Variants in ALDH1A1 observed in about 807,000 individuals in gnomAD.
The protein encoded by ALDH1A1 is aldehyde dehydrogenase 1A1.
Under a neutral mutation model 62.1 loss-of-function variants are expected in ALDH1A1, and 19 were observed. The observed-to-expected ratio is 0.31, with a 90% CI of 0.21 to 0.45. ALDH1A1 has a LOEUF of 0.45. Among genes scored for constraint, ALDH1A1 ranks in the 20% least tolerant of loss-of-function variants. ALDH1A1 has a pLI of 1.00. For missense variants in ALDH1A1, 521 were observed against 607.1 expected, an observed-to-expected ratio of 0.86 and a Z score of 1.49; for synonymous variants, 231 against 215.9, an observed-to-expected ratio of 1.07 and a Z score of -0.61.
At chr9:72,929,910 T>G (rs1263542811) in intron 3 of ALDH1A1, among the ~76,000 whole-genome samples, 1 of 152,234 alleles carries the variant, frequency 6.6e-6, no homozygotes, top group Admixed American at 6.5e-5. Context: ...ATTTTCTGCT[T>G]TCTTCCTACA....
intron 9 of ALDH1A1, among the ~76,000 whole-genome samples, chr9:72,912,746 C>A (rs1380722798): frequency 2.6e-5 from 4 of 152,186 alleles, no homozygotes; most frequent in African/African-American, 4.8e-5. Context: ...ATGTCACCAT[C>A]CTGCTTCATT....
intron 12 of ALDH1A1, among the ~76,000 whole-genome samples, chr9:72,901,580 G>A (rs1025136232): frequency 4.6e-5 from 7 of 151,812 alleles, no homozygotes; most frequent in African/African-American, 1.2e-4. Flanking sequence ...TTAAAAACTC[G>A]AACTGCAGAT....
At chr9:72,908,072 C>T (rs1278396078) in intron 11 of ALDH1A1, among the ~76,000 whole-genome samples, 1 of 151,874 alleles carries the variant, frequency 6.6e-6, no homozygotes, top group Non-Finnish European at 1.5e-5. Context: ...ATTTTTAAAG[C>T]CCCCGAGATG....
chr9:72,941,993 A>G (rs8187895), intron 1 of ALDH1A1, among the ~76,000 whole-genome samples: 13,118 of 152,194 alleles, frequency 0.086, 665 homozygotes, highest in African/African-American at 0.13. Flanking sequence ...AGAAAGATGG[A>G]AGAAGTATCA....
At chr9:72,923,353 CAA>C (rs1326938324) in intron 7 of ALDH1A1, among the ~76,000 whole-genome samples, 1 of 152,156 alleles carries the variant, frequency 6.6e-6, no homozygotes, top group Non-Finnish European at 1.5e-5. Context: ...TAGAATGACT[CAA>C]TAATTTTTTT....
chr9:72,926,612 A>T (rs1230146628), intron 5 of ALDH1A1, among the ~76,000 whole-genome samples: 1 of 152,228 alleles, frequency 6.6e-6, no homozygotes, highest in African/African-American at 2.4e-5. Flanking sequence ...AGTGCTTCAA[A>T]TGCCTCTGGT....
chr9:72,948,726 C>T (rs1830502563), intron 1 of ALDH1A1, among the ~76,000 whole-genome samples: 2 of 151,764 alleles, frequency 1.3e-5, no homozygotes, highest in African/African-American at 2.4e-5. Flanking sequence ...CACACTATTC[C>T]ACACACCTTC....
intron 2 of ALDH1A1, among the ~76,000 whole-genome samples, chr9:72,935,403 G>A (rs1830335755): frequency 6.6e-6 from 1 of 152,138 alleles, no homozygotes; most frequent in Admixed American, 6.5e-5. Context: ...ATGATGATGA[G>A]ATATCAAATG....
intron 10 of ALDH1A1, 63 bp from the exon 11 acceptor site, chr9:72,909,822 C>A: frequency 7.1e-7 from 1 of 1,399,512 alleles, no homozygotes; most frequent in Non-Finnish European, 9.7e-7. Context: ...TAAATGATAT[C>A]GTAGATTTTT....
Position 72,928,953 on chromosome 9 carries a change from G to A in ALDH1A1, c.381C>T (p.Ile127=), listed in dbSNP as rs747410847. 1 of 1,613,922 alleles carries A rather than the reference G, an allele frequency of 6.2e-7. No individual in the cohort carries two copies. ...AACCTGCACAGTAGCGCAATGTTTT[G>A]ATGCAGCCTGCTAAATCATTCAGAT... is the stretch of plus-strand genomic sequence containing the variant. ...NAYLNDLAGC[I]KTLRYCAGWA... Residue 127 remains isoleucine (I), a synonymous_variant, in exon 4 of 13, where the codon ATC becomes ATT. Coordinates refer to ENST00000297785, the MANE Select transcript of ALDH1A1 (RefSeq NM_000689.5).
intron 2 of ALDH1A1, among the ~76,000 whole-genome samples, chr9:72,937,124 T>G (rs1280145541): frequency 1.3e-5 from 2 of 152,182 alleles, no homozygotes; most frequent in African/African-American, 4.8e-5. Flanking sequence ...AGGTGAGGAA[T>G]GTGGAATGTA....
intron 7 of ALDH1A1, 66 bp downstream of exon 7, chr9:72,923,953 A>G: frequency 8.9e-7 from 1 of 1,128,662 alleles, no homozygotes; most frequent in African/African-American, 1.6e-5. Flanking sequence ...AAATAGTTAC[A>G]TAAAACATAC....
chr9:72,940,349 A>C, intron 1 of ALDH1A1, 97 bp from the exon 2 acceptor site: 1 of 836,016 alleles, frequency 1.2e-6, no homozygotes, highest in Non-Finnish European at 2.0e-6. Context: ...CACCATGCCT[A>C]AATGATGCAC....
chr9:72,909,678 A>G lies in ALDH1A1; in HGVS notation c.1282T>C (p.Leu428=). The G allele has an allele frequency of 6.2e-7, 1 of 1,614,030 alleles. No homozygotes were observed. Among genetic ancestry groups the G allele is most frequent in the Non-Finnish European group, 8.5e-7 (1 of 1,179,892 alleles). Residue 428 remains leucine (L), a synonymous_variant, in exon 11 of 13, where the codon TTA becomes CTA. Coordinates refer to ENST00000297785, the MANE Select transcript of ALDH1A1 (RefSeq NM_000689.5). ...TCTTTGGTAAACACTCCTGCTGATA[A>G]GCCATAGAAAGTATTGTTTGCTCTT... is the stretch of plus-strand genomic sequence containing the variant. ...IKRANNTFYG[L]SAGVFTKDID...
At position 72,901,125 on chromosome 9, in the gene ALDH1A1, T is replaced by G. The variant is rs371825661; in HGVS notation, c.*83A>C. ...TTTAAAAAAATCAAGAAAAGAAAAA[T>G]TTTGTCTTTAAAATCTACTATATTA... On this transcript the variant is annotated 3_prime_UTR_variant, in exon 13 of 13. Coordinates refer to ENST00000297785, the MANE Select transcript of ALDH1A1 (RefSeq NM_000689.5). 4.7e-5 allele frequency: 50 copies of G among 1,058,886 alleles called. No individual in the cohort carries two copies. The South Asian group carries it at 8.0e-4, about 17-fold the overall frequency. 65.6% of individuals were successfully genotyped at this position (1,058,886 alleles called of 1,614,324 possible). A position where few individuals can be genotyped will look rare whatever the true frequency, so the allele number is the denominator to read the frequency against.
At chr9:72,903,971 A>G (rs79539727) in intron 12 of ALDH1A1, among the ~76,000 whole-genome samples, 1,827 of 152,210 alleles carry the variant, frequency 0.012, 56 homozygotes, top group East Asian at 0.063. Context: ...ATAGAAAGAG[A>G]AGAAACTAGG....
chr9:72,929,389 C>A (rs1192628546), intron 3 of ALDH1A1, among the ~76,000 whole-genome samples: 1 of 152,184 alleles, frequency 6.6e-6, no homozygotes, highest in Non-Finnish European at 1.5e-5. Context: ...ATTTTGTAAT[C>A]AACTGTGGGT....
intron 1 of ALDH1A1, among the ~76,000 whole-genome samples, chr9:72,947,729 C>G (rs1030502063): frequency 2.0e-5 from 3 of 151,812 alleles, no homozygotes; most frequent in African/African-American, 7.3e-5. Context: ...ATTTAGAATC[C>G]AGTTTATTCT....
intron 12 of ALDH1A1, among the ~76,000 whole-genome samples, chr9:72,902,940 A>G (rs1829825813): frequency 6.6e-6 from 1 of 151,546 alleles, no homozygotes; most frequent in Non-Finnish European, 1.5e-5. Flanking sequence ...ATATCAACCT[A>G]TGCTTCTTGT....
Sources: allele counts gnomAD v4.1 joint callset (sites outside exome capture counted in the v4.1 genomes callset), GRCh38; gene constraint gnomAD v4.1.1; transcripts MANE v1.5; gene names NCBI Gene and HGNC (gene_info 2026-07-23, HGNC 2026-07-21).